THSD4: variants seen among roughly 807,000 people sequenced by gnomAD.
THSD4 encodes thrombospondin type 1 domain containing 4.
THSD4 carries 69 observed loss-of-function variants against 119.0 expected under a neutral mutation model. The observed-to-expected ratio is 0.58, with a 90% CI of 0.48 to 0.71. The LOEUF (loss-of-function observed/expected upper bound fraction) is 0.71. Ranked by LOEUF, THSD4 falls within the 30% of genes least tolerant of loss-of-function variation. THSD4 has a pLI of 0.00. For synonymous variants in THSD4, 524 were observed against 540.4 expected, an observed-to-expected ratio of 0.97 and a Z score of 0.42; for missense variants, 1,393 against 1,391.1, an observed-to-expected ratio of 1.00 and a Z score of -0.02.
chr15:71,664,693 T>C (rs2051381273), intron 8 of THSD4, among the ~76,000 whole-genome samples: 1 of 152,186 alleles, frequency 6.6e-6, no homozygotes, highest in Non-Finnish European at 1.5e-5. Context: ...TTTCTCTGTG[T>C]GTGTCCATGT....
intron 6 of THSD4, among the ~76,000 whole-genome samples, chr15:71,304,927 C>A (rs1439735699): frequency 6.6e-6 from 1 of 152,218 alleles, no homozygotes; most frequent in Non-Finnish European, 1.5e-5. Context: ...CCATCAAATA[C>A]ATGTTTCCAA....
intron 7 of THSD4, among the ~76,000 whole-genome samples, chr15:71,422,184 A>G (rs1280074685): frequency 6.6e-6 from 1 of 152,084 alleles, no homozygotes; most frequent in Admixed American, 6.6e-5. Flanking sequence ...TGGTGAGGTC[A>G]TGTTTTCCTG....
chr15:71,274,192 A>G (rs1378864121), intron 6 of THSD4, among the ~76,000 whole-genome samples: 8 of 152,242 alleles, frequency 5.3e-5, no homozygotes, highest in African/African-American at 1.9e-4. Context: ...GGGATGGACA[A>G]AAATGATTGG....
intron 7 of THSD4, among the ~76,000 whole-genome samples, chr15:71,441,529 G>A (rs1019702781): frequency 6.7e-6 from 1 of 149,168 alleles, no homozygotes; most frequent in African/African-American, 2.5e-5. Context: ...AGGAGTAGCT[G>A]GGACTACAGG....
chr15:71,614,468 A>G (rs2050288281), intron 7 of THSD4, among the ~76,000 whole-genome samples: 1 of 152,142 alleles, frequency 6.6e-6, no homozygotes, highest in Admixed American at 6.5e-5. Flanking sequence ...TTCTGTGTGC[A>G]ACGTTTCCAT....
At chr15:71,289,418 C>A (rs1048418655) in intron 6 of THSD4, among the ~76,000 whole-genome samples, 5 of 152,146 alleles carry the variant, frequency 3.3e-5, no homozygotes, top group Non-Finnish European at 7.4e-5. Flanking sequence ...GGGGAACATG[C>A]CCCATCCTGT....
At chr15:71,704,379 G>A (rs1456151484) in intron 8 of THSD4, among the ~76,000 whole-genome samples, 1 of 152,198 alleles carries the variant, frequency 6.6e-6, no homozygotes, top group African/African-American at 2.4e-5. Flanking sequence ...ATGGGGACAG[G>A]TCTTCCCTTG....
chr15:71,390,086 A>G (rs905387439), intron 6 of THSD4, among the ~76,000 whole-genome samples: 2 of 152,096 alleles, frequency 1.3e-5, no homozygotes, highest in Non-Finnish European at 2.9e-5. Context: ...TACAGGTTCC[A>G]TTTTTGAGGG....
At chr15:71,768,922 G>T (rs772115517) in intron 16 of THSD4, among the ~76,000 whole-genome samples, 2 of 147,438 alleles carry the variant, frequency 1.4e-5, no homozygotes, top group African/African-American at 2.5e-5. Flanking sequence ...AAAAATCTTG[G>T]CTGGCTGCCC....
chr15:71,120,242 C>T (rs1287259352), intron 1 of THSD4, among the ~76,000 whole-genome samples: 2 of 152,130 alleles, frequency 1.3e-5, no homozygotes, highest in Non-Finnish European at 2.9e-5. Flanking sequence ...TCCCCTTCCC[C>T]AGCTTCCCTT....
At chr15:71,565,255 C>T (rs1429436188) in intron 7 of THSD4, among the ~76,000 whole-genome samples, 1 of 152,186 alleles carries the variant, frequency 6.6e-6, no homozygotes. Flanking sequence ...CTCAGCCTGC[C>T]AGGATCACAA....
At chr15:71,377,526 G>T (rs1300240909) in intron 6 of THSD4, among the ~76,000 whole-genome samples, 1 of 152,104 alleles carries the variant, frequency 6.6e-6, no homozygotes, top group Admixed American at 6.5e-5. Context: ...CCAGGGGGCT[G>T]TAGTGACAGG....
At chr15:71,100,843 G>A (rs2059710197) in intron 1 of THSD4, among the ~76,000 whole-genome samples, 1 of 152,028 alleles carries the variant, frequency 6.6e-6, no homozygotes, top group Non-Finnish European at 1.5e-5. Flanking sequence ...AGCCAGGCAT[G>A]GTGGCCTGCA....
chr15:71,553,326 CTTTT>C (rs11288031), intron 7 of THSD4, among the ~76,000 whole-genome samples: 1 of 133,492 alleles, frequency 7.5e-6, no homozygotes, highest in Non-Finnish European at 1.6e-5. Flanking sequence ...TTCTACTAGA[CTTTT>C]TTTTTTTTTT....
At chr15:71,353,592 A>G (rs1293489500) in intron 6 of THSD4, among the ~76,000 whole-genome samples, 1 of 152,200 alleles carries the variant, frequency 6.6e-6, no homozygotes, top group African/African-American at 2.4e-5. Context: ...TTTATATTGT[A>G]TACAAAATGT....
intron 1 of THSD4, among the ~76,000 whole-genome samples, chr15:71,102,998 A>G (rs1356064411): frequency 2.0e-5 from 3 of 152,138 alleles, no homozygotes; most frequent in Admixed American, 6.5e-5. Context: ...TAACATCTGT[A>G]TCTTCTCAGG....
intron 7 of THSD4, among the ~76,000 whole-genome samples, chr15:71,658,642 G>T (rs2051236962): frequency 1.3e-5 from 2 of 152,196 alleles, no homozygotes; most frequent in African/African-American, 2.4e-5. Context: ...GGGGGGTGGG[G>T]CTATGGAAAT....
chr15:71,534,436 G>A (rs1372610501), intron 7 of THSD4, among the ~76,000 whole-genome samples: 6 of 152,144 alleles, frequency 3.9e-5, no homozygotes, highest in Non-Finnish European at 7.4e-5. Flanking sequence ...ATTGGTTTTC[G>A]TATTAGAGTC....
At chr15:71,125,171 G>T (rs774751338) in intron 1 of THSD4, among the ~76,000 whole-genome samples, 9 of 151,940 alleles carry the variant, frequency 5.9e-5, no homozygotes, top group Non-Finnish European at 8.8e-5. Flanking sequence ...GAAAAGAGAA[G>T]AAAAGAAAAA....
Sources: allele counts gnomAD v4.1 joint callset (sites outside exome capture counted in the v4.1 genomes callset), GRCh38; gene constraint gnomAD v4.1.1; transcripts MANE v1.5; gene names NCBI Gene and HGNC (gene_info 2026-07-23, HGNC 2026-07-21).